The following DACH2 variants were observed in gnomAD, a reference collection of about 807,000 sequenced individuals.
DACH2 encodes dachshund homolog 2.
A neutral mutation model predicts 35.8 loss-of-function variants in DACH2; 17 were observed. That is an observed-to-expected ratio of 0.48 (90% CI 0.33 to 0.71). The LOEUF is 0.71. Among genes scored for constraint, DACH2 ranks in the 30% least tolerant of loss-of-function variants. The pLI, the probability that DACH2 is intolerant of heterozygous loss-of-function variation, is 0.02. For missense variants in DACH2, 469 were observed against 472.7 expected (o/e 0.99, Z 0.07); for synonymous variants, 195 against 177.3 (o/e 1.10, Z -0.79).
chrX:86,796,656 C>T (rs937464516), intron 7 of DACH2, among the ~76,000 whole-genome samples: 3 of 112,087 alleles, frequency 2.7e-5, no homozygotes, highest in African/African-American at 9.7e-5. Flanking sequence ...CAGAATTTCT[C>T]TGGTTATTGA....
At chrX:86,795,468 C>A (rs2042227267) in intron 7 of DACH2, among the ~76,000 whole-genome samples, 1 of 110,365 alleles carries the variant, frequency 9.1e-6, no homozygotes, top group African/African-American at 3.3e-5. Context: ...CTCCTGACCT[C>A]ATGATCCACC....
chrX:86,403,109 C>G (rs1203460065), intron 2 of DACH2, among the ~76,000 whole-genome samples: 2 of 112,190 alleles, frequency 1.8e-5, no homozygotes, highest in African/African-American at 6.5e-5. Flanking sequence ...AAATACATTT[C>G]TTAACATTGG....
intron 1 of DACH2, among the ~76,000 whole-genome samples, chrX:86,291,021 G>T (rs1222058198): frequency 1.9e-4 from 20 of 105,190 alleles, no homozygotes; most frequent in Admixed American, 5.2e-4. Flanking sequence ...GGGCAGTATG[G>T]CCATTTTCAC....
intron 3 of DACH2, among the ~76,000 whole-genome samples, chrX:86,531,441 G>A (rs2038719060): frequency 8.9e-6 from 1 of 111,796 alleles, no homozygotes; most frequent in Non-Finnish European, 1.9e-5. Flanking sequence ...AGGATTTGGT[G>A]CCCTGTGTCC....
At chrX:86,202,975 T>C (rs1293530592) in intron 1 of DACH2, among the ~76,000 whole-genome samples, 1 of 111,188 alleles carries the variant, frequency 9.0e-6, no homozygotes, top group African/African-American at 3.3e-5. Flanking sequence ...AATAATATTA[T>C]CATAAAGTTA....
At chrX:86,632,139 G>A (rs190600945) in intron 3 of DACH2, among the ~76,000 whole-genome samples, 6 of 110,905 alleles carry the variant, frequency 5.4e-5, no homozygotes, top group Admixed American at 9.6e-5. Context: ...GTATCTCTGC[G>A]AATCCATTTT....
At chrX:86,258,564 A>G (rs902539748) in intron 1 of DACH2, among the ~76,000 whole-genome samples, 4 of 111,527 alleles carry the variant, frequency 3.6e-5, no homozygotes, top group Non-Finnish European at 5.7e-5. Flanking sequence ...CTATAGTGAA[A>G]TTATGCGTTA....
At chrX:86,800,926 G>A (rs1425810973) in intron 7 of DACH2, among the ~76,000 whole-genome samples, 3 of 110,564 alleles carry the variant, frequency 2.7e-5, no homozygotes, top group Non-Finnish European at 3.8e-5. Flanking sequence ...CACCTCAGCC[G>A]CCCAAAGTGC....
chrX:86,626,596 A>G (rs924810983), intron 3 of DACH2, among the ~76,000 whole-genome samples: 11 of 113,097 alleles, frequency 9.7e-5, no homozygotes, highest in African/African-American at 3.5e-4. Context: ...CCCTGCAGCA[A>G]GCTTCTGTCT....
chrX:86,789,072 A>G (rs2042164260), intron 7 of DACH2, among the ~76,000 whole-genome samples: 1 of 111,922 alleles, frequency 8.9e-6, no homozygotes, highest in African/African-American at 3.2e-5. Context: ...TTTATTCTCA[A>G]TTTATATTAC....
chrX:86,188,763 G>C (rs1159359744), intron 1 of DACH2, among the ~76,000 whole-genome samples: 1 of 112,003 alleles, frequency 8.9e-6, no homozygotes, highest in African/African-American at 3.2e-5. Context: ...AAAAATGTAA[G>C]GGAACAGATT....
At chrX:86,200,201 T>A (rs1397231218) in intron 1 of DACH2, among the ~76,000 whole-genome samples, 2 of 110,997 alleles carry the variant, frequency 1.8e-5, no homozygotes, top group Non-Finnish European at 3.8e-5. Context: ...GGGAAAGGAC[T>A]CCCTATTCAA....
intron 4 of DACH2, among the ~76,000 whole-genome samples, chrX:86,663,251 G>C (rs1373285133): frequency 9.0e-6 from 1 of 111,267 alleles, no homozygotes; most frequent in Non-Finnish European, 1.9e-5. Context: ...GGAAGTTGAT[G>C]GGCACAGATT....
Position 86,695,188 on chromosome X carries a change from A to ACCTGT in DACH2, c.931+10_931+11insCTGTC. On this transcript the variant is annotated intron_variant, in intron 5 of 11. Transcript: ENST00000373125. ...CCACCTGCTAACCAATAGTATGTATACTGTCCTCACAAAACTGGGTGTGTT... is the reference window on the plus strand; with the variant it reads ...CCACCTGCTAACCAATAGTATGTATACCTGTCTGTCCTCACAAAACTGGGTGTGTT... 1.0e-6 allele frequency: 1 copy of ACCTGT among 1,002,497 alleles called. No homozygotes were observed. Among genetic ancestry groups the ACCTGT allele is most frequent in the South Asian group, 4.4e-5 (1 of 22,975 alleles). The allele number at this position is 1,002,497 out of a possible 1,213,427, so 82.6% of individuals were successfully genotyped here.
rs1322947358 is a variant in DACH2 at position 86,736,304 on chromosome X, G to T, written c.1105-3443G>T. Reference sequence around the variant, plus strand: ...ACTTGATCGAATTTGGTAAGTACAGGCTACAAAATCTTAAAGGAGAAAATT... The same window carrying T: ...ACTTGATCGAATTTGGTAAGTACAGTCTACAAAATCTTAAAGGAGAAAATT... On this transcript the variant is annotated intron_variant, in intron 6 of 11. Transcript: ENST00000373125. 8.1e-5 allele frequency among the ~76,000 whole-genome samples: 9 copies of T among 111,024 alleles called. No homozygotes were observed. The Admixed American group carries it at 8.7e-4, about 11-fold the overall frequency.
At chrX:86,150,286 G>A (rs781580795) in intron 1 of DACH2, among the ~76,000 whole-genome samples, 26 of 111,757 alleles carry the variant, frequency 2.3e-4, no homozygotes, top group African/African-American at 7.1e-4. Flanking sequence ...CAGCACTACT[G>A]CTTATTATTT....
intron 1 of DACH2, among the ~76,000 whole-genome samples, chrX:86,253,578 T>C (rs929195335): frequency 2.7e-5 from 3 of 112,194 alleles, no homozygotes; most frequent in Admixed American, 1.9e-4. Flanking sequence ...TTCTAAACCA[T>C]TTTTGACAGA....
At chrX:86,799,475 C>A in intron 7 of DACH2, among the ~76,000 whole-genome samples, 1 of 111,579 alleles carries the variant, frequency 9.0e-6, no homozygotes, top group Non-Finnish European at 1.9e-5. Context: ...TCTGCATTTC[C>A]AACTGAGGTA....
chrX:86,665,486 T>G (rs1047795656), intron 4 of DACH2, among the ~76,000 whole-genome samples: 1 of 111,645 alleles, frequency 9.0e-6, no homozygotes, highest in Non-Finnish European at 1.9e-5. Context: ...CTAATGTGTT[T>G]TCTACTCTAC....
Sources: allele counts gnomAD v4.1 joint callset (sites outside exome capture counted in the v4.1 genomes callset), GRCh38; gene constraint gnomAD v4.1.1; transcripts MANE v1.5; gene names NCBI Gene and HGNC (gene_info 2026-07-23, HGNC 2026-07-21).